LOC128092252: variants seen among roughly 807,000 people sequenced by gnomAD.
the LOC128092252 span, among the ~76,000 whole-genome samples, chr15:50,654,563 T>C: frequency 6.6e-6 from 1 of 151,430 alleles, no homozygotes; most frequent in Non-Finnish European, 1.5e-5. Flanking sequence ...CTAATGCAGG[T>C]ATTATAAATA....
the LOC128092252 span, among the ~76,000 whole-genome samples, chr15:50,682,792 T>C: frequency 6.6e-6 from 1 of 152,194 alleles, no homozygotes; most frequent in African/African-American, 2.4e-5. Context: ...CCATCTTAAG[T>C]TCTTTTTACT....
chr15:50,658,007 T>A, the LOC128092252 span, among the ~76,000 whole-genome samples: 6 of 147,236 alleles, frequency 4.1e-5, no homozygotes, highest in African/African-American at 4.9e-5. Flanking sequence ...CAGTCTCAAT[T>A]TTTTTTTTTT....
chr15:50,686,444 C>G, the LOC128092252 span: 20 of 1,607,590 alleles, frequency 1.2e-5, no homozygotes, highest in Non-Finnish European at 1.4e-5. Flanking sequence ...TGGAACGCGG[C>G]TCCCCACACA....
the LOC128092252 span, among the ~76,000 whole-genome samples, chr15:50,685,908 C>A: frequency 6.6e-6 from 1 of 152,172 alleles, no homozygotes; most frequent in Non-Finnish European, 1.5e-5. Flanking sequence ...AGCCTCCCCC[C>A]ACCCACCAAA....
the LOC128092252 span, among the ~76,000 whole-genome samples, chr15:50,652,130 C>T: frequency 6.6e-6 from 1 of 150,972 alleles, no homozygotes. Context: ...GTCAGGAGTT[C>T]GAGACCAGCC....
the LOC128092252 span, among the ~76,000 whole-genome samples, chr15:50,683,243 A>G: frequency 6.6e-6 from 1 of 152,026 alleles, no homozygotes; most frequent in African/African-American, 2.4e-5. Flanking sequence ...TAAAAAAAAA[A>G]AACTGCAATT....
At chr15:50,653,157 A>G in the LOC128092252 span, among the ~76,000 whole-genome samples, 22,101 of 152,128 alleles carry the variant, frequency 0.15, 2,203 homozygotes, top group Admixed American at 0.28. Context: ...ACTCCCCCCA[A>G]AAAGAAAAAA....
the LOC128092252 span, among the ~76,000 whole-genome samples, chr15:50,679,817 G>GA: frequency 1.3e-5 from 2 of 151,796 alleles, no homozygotes; most frequent in East Asian, 3.9e-4. Context: ...TTACAGGCAA[G>GA]AGCCACCATG....
chr15:50,675,186 T>C, the LOC128092252 span, among the ~76,000 whole-genome samples: 1 of 151,940 alleles, frequency 6.6e-6, no homozygotes, highest in Non-Finnish European at 1.5e-5. Flanking sequence ...CTACTAAAAA[T>C]ATAAAAATTA....
chr15:50,672,008 T>C, the LOC128092252 span, among the ~76,000 whole-genome samples: 3 of 152,234 alleles, frequency 2.0e-5, no homozygotes, highest in Non-Finnish European at 4.4e-5. Context: ...TTTACTAGAC[T>C]ACGCTTTTTA....
the LOC128092252 span, among the ~76,000 whole-genome samples, chr15:50,666,424 G>C: frequency 6.6e-6 from 1 of 151,656 alleles, no homozygotes; most frequent in African/African-American, 2.4e-5. Flanking sequence ...CTGGGTGACA[G>C]AATGAGAGAA....
chr15:50,683,728 C>T, the LOC128092252 span, among the ~76,000 whole-genome samples: 1 of 151,826 alleles, frequency 6.6e-6, no homozygotes, highest in African/African-American at 2.4e-5. Context: ...CCAAAAAAAA[C>T]AAAATAAAAC....
chr15:50,655,448 C>A, the LOC128092252 span, among the ~76,000 whole-genome samples: 51,577 of 118,528 alleles, frequency 0.44, 10,490 homozygotes, highest in East Asian at 0.56. Flanking sequence ...AAAAAAAAAA[C>A]AAAAAAACAA....
At chr15:50,671,400 T>C in the LOC128092252 span, among the ~76,000 whole-genome samples, 2 of 152,200 alleles carry the variant, frequency 1.3e-5, no homozygotes, top group Admixed American at 6.5e-5. Context: ...TTCTTTAAGA[T>C]TGAATGATAT....
At chr15:50,671,978 C>CT in the LOC128092252 span, among the ~76,000 whole-genome samples, 2 of 113,028 alleles carry the variant, frequency 1.8e-5, no homozygotes, top group African/African-American at 3.3e-5. Flanking sequence ...TAATAAATGA[C>CT]TATGTTACTG....
At chr15:50,681,642 G>A in the LOC128092252 span, among the ~76,000 whole-genome samples, 4 of 152,062 alleles carry the variant, frequency 2.6e-5, no homozygotes, top group East Asian at 7.7e-4. Context: ...TCTGTCTCAG[G>A]GTTGCTATAT....
the LOC128092252 span, among the ~76,000 whole-genome samples, chr15:50,681,615 T>G: frequency 6.2e-4 from 94 of 152,322 alleles, no homozygotes; most frequent in African/African-American, 2.2e-3. Flanking sequence ...TTTGCACACA[T>G]TTTTCAATCA....
chr15:50,657,064 C>T, the LOC128092252 span, among the ~76,000 whole-genome samples: 1 of 152,294 alleles, frequency 6.6e-6, no homozygotes, highest in South Asian at 2.1e-4. Context: ...TGGCTCACAC[C>T]TGTAATCCTA....
the LOC128092252 span, among the ~76,000 whole-genome samples, chr15:50,649,176 C>G: frequency 6.6e-6 from 1 of 152,064 alleles, no homozygotes; most frequent in African/African-American, 2.4e-5. Flanking sequence ...CTGTGGCTCA[C>G]GCGGGTAATC....
Sources: gnomAD v4.1 joint callset for allele counts (sites outside exome capture counted in the v4.1 genomes callset) on GRCh38, gnomAD v4.1.1 for gene constraint, MANE v1.5 for transcripts.